NAALADL2: variants seen among roughly 807,000 people sequenced by gnomAD.
The protein encoded by NAALADL2 is N-acetylated alpha-linked acidic dipeptidase like 2, also known as inactive N-acetylated-alpha-linked acidic dipeptidase-like protein 2.
A neutral mutation model predicts 87.2 loss-of-function variants in NAALADL2; 76 were observed. The ratio of observed to expected loss-of-function variants is 0.87; its 90% CI spans 0.72 to 1.05. NAALADL2 has a LOEUF of 1.05. Ranked by LOEUF, NAALADL2 falls within the 50% of genes least tolerant of loss-of-function variation. The pLI is 0.00. For synonymous variants in NAALADL2, 354 were observed against 331.0 expected (o/e 1.07, Z -0.75); for missense variants, 1,089 against 945.8 (o/e 1.15, Z -1.99).
At chr3:175,751,790 TCA>T (rs1399778379) in intron 12 of NAALADL2, among the ~76,000 whole-genome samples, 1 of 152,112 alleles carries the variant, frequency 6.6e-6, no homozygotes, top group Non-Finnish European at 1.5e-5. Context: ...ATGAACAGCC[TCA>T]GTTTGTCCTC....
At chr3:174,788,942 G>T (rs1300381927) in intron 3 of NAALADL2, among the ~76,000 whole-genome samples, 2 of 152,194 alleles carry the variant, frequency 1.3e-5, no homozygotes, top group African/African-American at 4.8e-5. Context: ...CCATGCTCTT[G>T]TTGAGCCCAC....
At chr3:175,077,741 T>A (rs1024231752) in intron 1 of NAALADL2, among the ~76,000 whole-genome samples, 1 of 152,134 alleles carries the variant, frequency 6.6e-6, no homozygotes, top group Non-Finnish European at 1.5e-5. Flanking sequence ...GGTTCTGATA[T>A]CCTATATATA....
intron 2 of NAALADL2, among the ~76,000 whole-genome samples, chr3:174,652,598 AT>A (rs1208758353): frequency 6.6e-6 from 1 of 152,142 alleles, no homozygotes; most frequent in Non-Finnish European, 1.5e-5. Context: ...CGAGAACAGT[AT>A]GGGAAAAACC....
At chr3:175,050,951 T>G (rs751693290) in intron 1 of NAALADL2, among the ~76,000 whole-genome samples, 8 of 152,182 alleles carry the variant, frequency 5.3e-5, no homozygotes, top group Non-Finnish European at 8.8e-5. Context: ...AATAGAGGCA[T>G]AAGAGCTGCA....
chr3:175,121,419 T>C (rs543835692), intron 2 of NAALADL2, among the ~76,000 whole-genome samples: 6 of 151,936 alleles, frequency 3.9e-5, no homozygotes, highest in East Asian at 1.9e-4. Context: ...GGCAAACTAA[T>C]GGATAGGGTG....
At chr3:175,667,185 A>G (rs866179812) in intron 11 of NAALADL2, among the ~76,000 whole-genome samples, 393 of 47,836 alleles carry the variant, frequency 8.2e-3, no homozygotes, top group African/African-American at 0.039. Flanking sequence ...AAGAAAGAGA[A>G]AGAAAGAAAG....
At chr3:174,969,423 A>G (rs1474613089) in intron 1 of NAALADL2, among the ~76,000 whole-genome samples, 1 of 152,188 alleles carries the variant, frequency 6.6e-6, no homozygotes, top group African/African-American at 2.4e-5. Flanking sequence ...GATATTTTGT[A>G]ATCTGCACCA....
At chr3:174,483,505 G>A (rs527467166) in intron 1 of NAALADL2, among the ~76,000 whole-genome samples, 2 of 152,114 alleles carry the variant, frequency 1.3e-5, no homozygotes, top group African/African-American at 2.4e-5. Context: ...GGATTATGGG[G>A]ATTATGAGGT....
intron 13 of NAALADL2, among the ~76,000 whole-genome samples, chr3:175,769,380 C>T (rs1749175877): frequency 6.6e-6 from 1 of 152,094 alleles, no homozygotes; most frequent in Non-Finnish European, 1.5e-5. Context: ...GAAACATAAC[C>T]TTTTCCTTTA....
intron 1 of NAALADL2, among the ~76,000 whole-genome samples, chr3:174,922,879 A>C (rs768881554): frequency 1.3e-5 from 2 of 152,178 alleles, no homozygotes; most frequent in Non-Finnish European, 2.9e-5. Flanking sequence ...ACTTATCAGT[A>C]TGTCTTTTTG....
chr3:175,339,269 G>A (rs1260500463), intron 5 of NAALADL2, among the ~76,000 whole-genome samples: 1 of 152,182 alleles, frequency 6.6e-6, no homozygotes, highest in African/African-American at 2.4e-5. Flanking sequence ...CCTGCTTTAG[G>A]TATCTTCTAG....
chr3:175,562,953 G>GGTGTGT (rs71164639), intron 9 of NAALADL2, among the ~76,000 whole-genome samples: 23 of 149,832 alleles, frequency 1.5e-4, no homozygotes, highest in African/African-American at 4.9e-4. Flanking sequence ...ATATAGGAGG[G>GGTGTGT]GTGTGTGTGT....
At chr3:175,695,299 G>A (rs1737613897) in intron 11 of NAALADL2, among the ~76,000 whole-genome samples, 1 of 152,066 alleles carries the variant, frequency 6.6e-6, no homozygotes, top group African/African-American at 2.4e-5. Context: ...TTTTTCCAAT[G>A]TCTGTTGTAG....
intron 11 of NAALADL2, among the ~76,000 whole-genome samples, chr3:175,634,245 G>A (rs182917767): frequency 4.7e-4 from 72 of 151,776 alleles, no homozygotes; most frequent in African/African-American, 1.7e-3. Flanking sequence ...ATTAACCTTG[G>A]TCTCTTTGAT....
intron 1 of NAALADL2, among the ~76,000 whole-genome samples, chr3:175,049,592 T>G (rs993784015): frequency 1.3e-5 from 2 of 152,302 alleles, no homozygotes; most frequent in Non-Finnish European, 2.9e-5. Context: ...AAGAGAGCTG[T>G]TAAACCTCTA....
chr3:174,562,797 A>G (rs931100645), intron 2 of NAALADL2, among the ~76,000 whole-genome samples: 2 of 151,956 alleles, frequency 1.3e-5, no homozygotes, highest in Non-Finnish European at 2.9e-5. Flanking sequence ...GTAAAAGTTG[A>G]TATGTATGTA....
chr3:174,624,220 C>G (rs1721327624), intron 2 of NAALADL2, among the ~76,000 whole-genome samples: 1 of 152,064 alleles, frequency 6.6e-6, no homozygotes, highest in Non-Finnish European at 1.5e-5. Context: ...AAAAACTGCT[C>G]AAGGACCCAC....
At chr3:174,455,881 G>C (rs546527057) in intron 1 of NAALADL2, among the ~76,000 whole-genome samples, 1 of 152,198 alleles carries the variant, frequency 6.6e-6, no homozygotes, top group East Asian at 1.9e-4. Context: ...GAGCAGTCAG[G>C]CAAGAGAAAG....
At chr3:175,518,672 A>C (rs1463236386) in intron 9 of NAALADL2, among the ~76,000 whole-genome samples, 1 of 152,116 alleles carries the variant, frequency 6.6e-6, no homozygotes, top group African/African-American at 2.4e-5. Context: ...TTCAGGTCTC[A>C]CTTCCTCTTT....
Sources: gnomAD v4.1 joint callset for allele counts (sites outside exome capture counted in the v4.1 genomes callset) on GRCh38, gnomAD v4.1.1 for gene constraint, MANE v1.5 for transcripts, NCBI Gene and HGNC (gene_info 2026-07-23, HGNC 2026-07-21) for gene names.